PDE1A: variants seen among roughly 807,000 people sequenced by gnomAD.
The protein encoded by PDE1A is phosphodiesterase 1A, also known as dual specificity calcium/calmodulin-dependent 3',5'-cyclic nucleotide phosphodiesterase 1A.
A neutral mutation model predicts 61.7 loss-of-function variants in PDE1A; 35 were observed. The ratio of observed to expected loss-of-function variants is 0.57; its 90% CI spans 0.43 to 0.75. PDE1A has a LOEUF of 0.75. PDE1A is among the 30% of genes least tolerant of loss of function. The probability of loss-of-function intolerance (pLI) is 0.00; values close to 1 mark genes in which losing one functional copy is unlikely to be tolerated. For missense variants in PDE1A, 597 were observed against 630.6 expected, an observed-to-expected ratio of 0.95 and a Z score of 0.57; for synonymous variants, 232 against 213.2, an observed-to-expected ratio of 1.09 and a Z score of -0.77.
In PDE1A at chr2:182,273,957, G is replaced by A. The variant is rs573051423; in HGVS notation, c.54-9543C>T. On this transcript the variant is annotated intron_variant, in intron 1 of 13. Transcript: ENST00000351439. ...TATAAACAAGAGAAATTTCTTTCTC[G>A]CAGTCCTGGAGGCTGGGAAATCCCT... 1.8e-4 allele frequency among the ~76,000 whole-genome samples: 27 copies of A among 152,146 alleles called. No individual in the cohort carries two copies. In the East Asian group the frequency reaches 1.9e-3, roughly 11 times the overall value.
chr2:182,411,267 C>A (rs1702598682), intron 1 of PDE1A, among the ~76,000 whole-genome samples: 2 of 152,156 alleles, frequency 1.3e-5, no homozygotes, highest in East Asian at 1.9e-4. Context: ...AATGGAATCA[C>A]ACAATATATT....
intron 1 of PDE1A, among the ~76,000 whole-genome samples, chr2:182,330,388 C>T: frequency 6.6e-6 from 1 of 151,768 alleles, no homozygotes; most frequent in Admixed American, 6.6e-5. Context: ...GGTTACAGCA[C>T]TGAATAATTT....
chr2:182,179,007 C>G (rs1190134414), intron 13 of PDE1A, among the ~76,000 whole-genome samples: 1 of 152,084 alleles, frequency 6.6e-6, no homozygotes, highest in Non-Finnish European at 1.5e-5. Context: ...GACTGCAATG[C>G]CATCTAAAGA....
chr2:182,233,295 A>G (rs990950465), intron 4 of PDE1A, among the ~76,000 whole-genome samples: 1 of 152,122 alleles, frequency 6.6e-6, no homozygotes, highest in African/African-American at 2.4e-5. Context: ...CTACAGACTG[A>G]GTTGGGGTTG....
At chr2:182,377,365 CT>C (rs1700473019) in intron 1 of PDE1A, among the ~76,000 whole-genome samples, 1 of 152,158 alleles carries the variant, frequency 6.6e-6, no homozygotes. Context: ...CCTGCTTTAC[CT>C]TCTGACATGA....
intron 2 of PDE1A, among the ~76,000 whole-genome samples, chr2:182,452,263 C>G (rs1480894633): frequency 3.3e-5 from 5 of 152,068 alleles, no homozygotes; most frequent in African/African-American, 1.2e-4. Flanking sequence ...TAAGAGTGAA[C>G]ATTACTGTGA....
chr2:182,556,402 A>G, the PDE1A span, among the ~76,000 whole-genome samples: 2 of 152,242 alleles, frequency 1.3e-5, no homozygotes, highest in African/African-American at 4.8e-5. Flanking sequence ...AAATTGGTTT[A>G]CAAATTATTC....
chr2:182,219,463 A>C (rs1688534855), intron 7 of PDE1A, among the ~76,000 whole-genome samples: 1 of 152,090 alleles, frequency 6.6e-6, no homozygotes, highest in African/African-American at 2.4e-5. Context: ...TGGAAGCAAA[A>C]TCACTATGTT....
At chr2:182,342,041 T>A (rs1698219464) in intron 1 of PDE1A, among the ~76,000 whole-genome samples, 1 of 152,150 alleles carries the variant, frequency 6.6e-6, no homozygotes, top group African/African-American at 2.4e-5. Flanking sequence ...AGCACTGGGA[T>A]TAACAGGCAT....
the PDE1A span, among the ~76,000 whole-genome samples, chr2:182,569,501 C>T: frequency 1.3e-5 from 2 of 152,006 alleles, no homozygotes; most frequent in Non-Finnish European, 2.9e-5. Flanking sequence ...GCTCCTTGGG[C>T]GTCAAGCAGT....
At chr2:182,172,164 G>A (rs2125329097) in intron 13 of PDE1A, among the ~76,000 whole-genome samples, 1 of 152,064 alleles carries the variant, frequency 6.6e-6, no homozygotes, top group African/African-American at 2.4e-5. Context: ...ACAAAATAGT[G>A]GGTAATACTA....
chr2:182,533,105 A>T, the PDE1A span, among the ~76,000 whole-genome samples: 2 of 152,166 alleles, frequency 1.3e-5, no homozygotes, highest in African/African-American at 2.4e-5. Flanking sequence ...TGAGGTCAAG[A>T]GTTGGAGACA....
intron 1 of PDE1A, among the ~76,000 whole-genome samples, chr2:182,368,417 C>A (rs1457267049): frequency 6.6e-6 from 1 of 151,262 alleles, no homozygotes; most frequent in East Asian, 1.9e-4. Context: ...TTCCCCTTCC[C>A]ACTCTTTTTT....
At chr2:182,684,258 T>C in the PDE1A span, among the ~76,000 whole-genome samples, 1 of 151,984 alleles carries the variant, frequency 6.6e-6, no homozygotes, top group Non-Finnish European at 1.5e-5. Flanking sequence ...CCAAAAATAC[T>C]AAGAAAATTT....
chr2:182,706,370 G>A, the PDE1A span, among the ~76,000 whole-genome samples: 7 of 152,232 alleles, frequency 4.6e-5, no homozygotes, highest in East Asian at 1.2e-3. Flanking sequence ...TTTGGGCAAA[G>A]ACACATTCAG....
the PDE1A span, among the ~76,000 whole-genome samples, chr2:182,642,605 C>G: frequency 6.6e-6 from 1 of 152,064 alleles, no homozygotes; most frequent in Non-Finnish European, 1.5e-5. Flanking sequence ...CAGGCCACAC[C>G]GGTTGTTATG....
At chr2:182,618,550 T>C in the PDE1A span, among the ~76,000 whole-genome samples, 1 of 148,768 alleles carries the variant, frequency 6.7e-6, no homozygotes, top group Non-Finnish European at 1.5e-5. Flanking sequence ...GAATCATTGT[T>C]GAGCTTTGAT....
chr2:182,231,122 T>G, exon 5 of PDE1A: 1 of 1,548,318 alleles, frequency 6.5e-7, no homozygotes, highest in Non-Finnish European at 8.9e-7. Flanking sequence ...AAAGACCATT[T>G]ATCAACATCC....
At chr2:182,188,198 T>G (rs754389967) in intron 11 of PDE1A, among the ~76,000 whole-genome samples, 1 of 152,162 alleles carries the variant, frequency 6.6e-6, no homozygotes, top group Non-Finnish European at 1.5e-5. Flanking sequence ...TTACACTTAC[T>G]AAGCAAGGAT....
Sources: gnomAD v4.1 joint callset for allele counts (sites outside exome capture counted in the v4.1 genomes callset) on GRCh38, gnomAD v4.1.1 for gene constraint, MANE v1.5 for transcripts, NCBI Gene and HGNC (gene_info 2026-07-23, HGNC 2026-07-21) for gene names.